The following PPARGC1A variants were observed in gnomAD, a reference collection of about 807,000 sequenced individuals.
PPARGC1A encodes peroxisome proliferator-activated receptor gamma coactivator 1-alpha.
In PPARGC1A, 25 loss-of-function variants were observed where a neutral mutation model predicts 88.7. The observed-to-expected ratio is 0.28, with a 90% CI of 0.21 to 0.39. The LOEUF (loss-of-function observed/expected upper bound fraction) is 0.39, where lower values mean the gene tolerates loss of function less well. Ranked by LOEUF, PPARGC1A falls within the 10% of genes least tolerant of loss-of-function variation. The pLI, the probability that PPARGC1A is intolerant of heterozygous loss-of-function variation, is 1.00. For missense variants in PPARGC1A, 880 were observed against 968.7 expected (o/e 0.91, Z 1.22); for synonymous variants, 363 against 355.6 (o/e 1.02, Z -0.24).
chr4:23,824,151 C>T, intron 7 of PPARGC1A, 129 bp downstream of exon 7: 1 of 731,948 alleles, frequency 1.4e-6, no homozygotes, highest in Non-Finnish European at 2.2e-6. Flanking sequence ...TTGCAGATAA[C>T]TTCTTATCCA....
chr4:23,956,589 A>T, the PPARGC1A span, among the ~76,000 whole-genome samples: 2 of 152,060 alleles, frequency 1.3e-5, no homozygotes, highest in African/African-American at 4.8e-5. Context: ...GATCATTGAC[A>T]AACCATATTC....
At chr4:24,325,000 A>G in the PPARGC1A span, among the ~76,000 whole-genome samples, 20 of 152,226 alleles carry the variant, frequency 1.3e-4, no homozygotes, top group East Asian at 5.8e-4. Flanking sequence ...TTACAGTTTC[A>G]TTCTCTGACT....
chr4:24,036,770 T>C, the PPARGC1A span, among the ~76,000 whole-genome samples: 2 of 152,218 alleles, frequency 1.3e-5, no homozygotes, highest in African/African-American at 4.8e-5. Flanking sequence ...GGGAAACTTC[T>C]GGCATGTTGG....
intron 2 of PPARGC1A, among the ~76,000 whole-genome samples, chr4:23,858,369 T>G (rs1325542957): frequency 6.6e-6 from 1 of 152,164 alleles, no homozygotes; most frequent in Non-Finnish European, 1.5e-5. Flanking sequence ...GCTGAATGAA[T>G]AAATAACCCT....
the PPARGC1A span, among the ~76,000 whole-genome samples, chr4:24,147,228 G>A: frequency 6.6e-6 from 1 of 152,172 alleles, no homozygotes; most frequent in African/African-American, 2.4e-5. Context: ...CAGAGGTCTG[G>A]TGCAGAGGCA....
intron 5 of PPARGC1A, among the ~76,000 whole-genome samples, chr4:23,826,953 A>T (rs916103440): frequency 3.3e-5 from 5 of 152,268 alleles, no homozygotes; most frequent in Non-Finnish European, 7.4e-5. Flanking sequence ...TGCATGCATG[A>T]CCAGCACAGG....
chr4:24,338,202 C>T, the PPARGC1A span, among the ~76,000 whole-genome samples: 461 of 152,156 alleles, frequency 3.0e-3, 6 homozygotes, highest in African/African-American at 0.011. Context: ...GTAATTCTCA[C>T]GGTATAAAAT....
At chr4:24,413,335 A>T in the PPARGC1A span, among the ~76,000 whole-genome samples, 1 of 152,028 alleles carries the variant, frequency 6.6e-6, no homozygotes, top group Non-Finnish European at 1.5e-5. Flanking sequence ...GGAAGACAAG[A>T]CTACAGCCAA....
chr4:24,004,907 A>C, the PPARGC1A span, among the ~76,000 whole-genome samples: 1 of 152,192 alleles, frequency 6.6e-6, no homozygotes, highest in East Asian at 1.9e-4. Flanking sequence ...GGGTTAAAAC[A>C]GGGTCATGTG....
chr4:23,874,763 A>T (rs1298737817), intron 2 of PPARGC1A, among the ~76,000 whole-genome samples: 1 of 152,146 alleles, frequency 6.6e-6, no homozygotes, highest in Admixed American at 6.5e-5. Flanking sequence ...AAACCATCAA[A>T]TCATAAGCTG....
At chr4:24,234,871 T>G in the PPARGC1A span, among the ~76,000 whole-genome samples, 2 of 152,236 alleles carry the variant, frequency 1.3e-5, no homozygotes, top group Admixed American at 6.5e-5. Flanking sequence ...GTTCTGTTCT[T>G]TCTTTTTAGG....
chr4:24,161,957 GAT>G, the PPARGC1A span, among the ~76,000 whole-genome samples: 145 of 115,394 alleles, frequency 1.3e-3, 1 homozygote, highest in South Asian at 4.2e-3. Flanking sequence ...AAGAAATTGT[GAT>G]ATACACACAC....
At chr4:24,334,956 T>TAA in the PPARGC1A span, among the ~76,000 whole-genome samples, 1 of 152,246 alleles carries the variant, frequency 6.6e-6, no homozygotes, top group African/African-American at 2.4e-5. Flanking sequence ...AGACTAATTG[T>TAA]AAGCACTTGT....
rs1389964511 is a variant in PPARGC1A, at chr4:23,828,518, A to G, written c.639T>C (p.Tyr213=). Residue 213 remains tyrosine, a synonymous_variant, in exon 5 of 13, where the codon TAT becomes TAC. Transcript: ENST00000264867. ...QRRPCSELLK[Y]LTTNDDPPHT... ...GAGGAGGGTCATCGTTTGTGGTCAG[A>G]TATTTGAGAAGCTCCGAGCAGGGAC... 1.2e-6 allele frequency: 2 copies of G among 1,613,894 alleles called. No individual in the cohort carries two copies. The highest frequency in any genetic ancestry group is 1.7e-5 in the Admixed American group (1 of 59,984).
At chr4:24,202,143 G>T in the PPARGC1A span, among the ~76,000 whole-genome samples, 2 of 152,034 alleles carry the variant, frequency 1.3e-5, no homozygotes, top group East Asian at 1.9e-4. Flanking sequence ...CTTCCAAACC[G>T]CTGGGATTGC....
At chr4:24,323,753 G>A in the PPARGC1A span, among the ~76,000 whole-genome samples, 3 of 152,256 alleles carry the variant, frequency 2.0e-5, no homozygotes, top group South Asian at 6.2e-4. Flanking sequence ...GACCTCCCTT[G>A]GGAGATCAAT....
At chr4:24,145,292 C>A in the PPARGC1A span, among the ~76,000 whole-genome samples, 7 of 152,272 alleles carry the variant, frequency 4.6e-5, no homozygotes, top group Admixed American at 2.0e-4. Flanking sequence ...TGGCTTCAAA[C>A]CCACCCTGCA....
the PPARGC1A span, among the ~76,000 whole-genome samples, chr4:24,007,411 T>C: frequency 6.6e-6 from 1 of 152,096 alleles, no homozygotes; most frequent in Non-Finnish European, 1.5e-5. Flanking sequence ...TAGAAATATA[T>C]TGATTGAACA....
intron 10 of PPARGC1A, among the ~76,000 whole-genome samples, chr4:23,809,244 C>T (rs560288194): frequency 4.6e-4 from 70 of 152,148 alleles, no homozygotes; most frequent in African/African-American, 1.6e-3. Flanking sequence ...TAAAAATATA[C>T]TTTGGGGATG....
Sources: gnomAD v4.1 joint callset for allele counts (sites outside exome capture counted in the v4.1 genomes callset) on GRCh38, gnomAD v4.1.1 for gene constraint, MANE v1.5 for transcripts, NCBI Gene and HGNC (gene_info 2026-07-23, HGNC 2026-07-21) for gene names.